FARP2: variants seen among roughly 807,000 people sequenced by gnomAD.
FARP2 encodes FERM, ARH/RhoGEF and pleckstrin domain protein 2.
A neutral mutation model predicts 130.5 loss-of-function variants in FARP2; 111 were observed. That is an observed-to-expected ratio of 0.85 (90% CI 0.73 to 1.00). FARP2 has a LOEUF of 1.00. Ranked by LOEUF, FARP2 falls within the 50% of genes least tolerant of loss-of-function variation. The probability of loss-of-function intolerance (pLI) is 0.00; values close to 1 mark genes in which losing one functional copy is unlikely to be tolerated. For synonymous variants in FARP2, 504 were observed against 516.9 expected (o/e 0.98, Z 0.34); for missense variants, 1,385 against 1,346.3 (o/e 1.03, Z -0.45).
In FARP2 at chr2:241,428,001, C is replaced by T. The variant is rs369913092; in HGVS notation, c.772-3678C>T. On this transcript the variant is annotated intron_variant, in intron 8 of 26. Transcript: ENST00000264042. ...CAGGATGGTCTCGATCTCCTGACCT[C>T]GTGATCCGCCCGCCTTGGCCTCCCA... Among the ~76,000 whole-genome samples, 854 of 152,006 alleles carry T rather than the reference C, an allele frequency of 5.6e-3. 8 individuals carry two copies. Among genetic ancestry groups the T allele is most frequent in the African/African-American group, 0.02 (820 of 41,458 alleles).
chr2:241,384,995 T>C (rs1239504240), intron 2 of FARP2, among the ~76,000 whole-genome samples: 2 of 152,222 alleles, frequency 1.3e-5, no homozygotes, highest in Non-Finnish European at 2.9e-5. Flanking sequence ...ATATTAATTG[T>C]ATTAAGAAAT....
Position 241,453,780 on chromosome 2 carries a change from T to G in FARP2, c.1412-2967T>G, listed in dbSNP as rs1329677705. Among the ~76,000 whole-genome samples, 459 of 113,876 alleles carry G rather than the reference T, an allele frequency of 4.0e-3. 9 individuals carry two copies. The highest frequency in any genetic ancestry group is 0.015 in the African/African-American group (430 of 29,446). 74.7% of individuals were successfully genotyped at this position (113,876 alleles called of 152,430 possible). A position where few individuals can be genotyped will look rare whatever the true frequency, so the allele number is the denominator to read the frequency against. On this transcript the variant is annotated intron_variant, in intron 13 of 26. Transcript: ENST00000264042. The stretch of plus-strand genomic sequence containing the variant: ...AGTGGCACTTACTGGTTTTTTTTTT[T>G]TTTTTTTTTTTTTTTTTTTTTGAGA...
intron 13 of FARP2, chr2:241,442,136 G>A (rs760644197): frequency 2.6e-5 from 11 of 426,244 alleles, no homozygotes; most frequent in Non-Finnish European, 4.3e-5. Flanking sequence ...TCTGAGACCA[G>A]CTCACTGAGA....
chr2:241,490,156 G>A (rs1223507121), intron 22 of FARP2, 112 bp downstream of exon 22: 2 of 754,838 alleles, frequency 2.6e-6, no homozygotes, highest in Non-Finnish European at 4.7e-6. Flanking sequence ...AGCCTCATGG[G>A]GTTGTGCCCC....
chr2:241,437,867 GT>G (rs2063283069), intron 12 of FARP2, among the ~76,000 whole-genome samples: 4 of 151,900 alleles, frequency 2.6e-5, no homozygotes, highest in Admixed American at 2.0e-4. Context: ...GGGTTTCACT[GT>G]GTCAGCCAGG....
chr2:241,376,865 T>C (rs574401553), intron 2 of FARP2, among the ~76,000 whole-genome samples: 10 of 152,194 alleles, frequency 6.6e-5, no homozygotes, highest in Non-Finnish European at 2.9e-5. Context: ...CTGCTTGCTG[T>C]CTCCCTGCTC....
intron 2 of FARP2, among the ~76,000 whole-genome samples, chr2:241,397,479 T>C (rs1160038283): frequency 1.3e-5 from 2 of 152,196 alleles, no homozygotes; most frequent in African/African-American, 4.8e-5. Flanking sequence ...TCAAACTTCA[T>C]AGTGTAGACA....
intron 22 of FARP2, 68 bp downstream of exon 22, chr2:241,490,112 GCCTCTGAGT>G (rs1460076284): frequency 1.8e-6 from 2 of 1,120,920 alleles, no homozygotes; most frequent in Admixed American, 1.7e-5. Flanking sequence ...CTCGCCATGA[GCCTCTGAGT>G]CCTCTGAGCT....
At chr2:241,407,677 C>G in intron 5 of FARP2, 62 bp downstream of exon 5, 1 of 1,229,894 alleles carries the variant, frequency 8.1e-7, no homozygotes, top group Admixed American at 1.8e-5. Flanking sequence ...CTGTTATCTC[C>G]CACAGCACCT....
Position 241,405,790 on chromosome 2 carries a change from T to C in FARP2, c.331+949T>C, listed in dbSNP as rs537656036. On this transcript the variant is annotated intron_variant, in intron 4 of 26. Transcript: ENST00000264042. Reference sequence around the variant, plus strand: ...CTCTACTAAAAATACAAAAATTAGCTAGGCGTGATGGCGCATGCCTATAAT... The same window carrying C: ...CTCTACTAAAAATACAAAAATTAGCCAGGCGTGATGGCGCATGCCTATAAT... Among the ~76,000 whole-genome samples the C allele has an allele frequency of 1.9e-4, 29 of 152,110 alleles. No individual in the cohort carries two copies. The South Asian group carries it at 4.4e-3, about 23-fold the overall frequency.
In FARP2 at chr2:241,491,591, A is replaced by G. The variant is rs1309841000; in HGVS notation, c.2699A>G (p.His900Arg). The change falls in exon 24 of 27, where the codon CAT (histidine) becomes CGT (arginine). Residue 900 changes from histidine to arginine, a missense_variant. Transcript: ENST00000264042. ...GGTGTCCGCAGCTCCCTGGAGGGGC[A>G]TGGCCAGCACCGGGCCAACACCACA... ...ARGVRSSLEG[H>R]GQHRANTTMH... is the part of the protein sequence containing the mutation. The G allele has an allele frequency of 1.2e-6, 2 of 1,613,846 alleles. No individual in the cohort carries two copies. The highest frequency in any genetic ancestry group is 8.5e-7 in the Non-Finnish European group (1 of 1,179,994).
chr2:241,357,131 A>T lies in FARP2; in HGVS notation c.-25+743A>T, dbSNP rs948072590. ...AAAGCAGAAATTAGAACAAGGCATCATTGAAGGAAAGATTGTCAATACATA... is the reference window on the plus strand; with the variant it reads ...AAAGCAGAAATTAGAACAAGGCATCTTTGAAGGAAAGATTGTCAATACATA... On this transcript the variant is annotated intron_variant, in intron 1 of 26. Coordinates refer to ENST00000264042, the MANE Select transcript of FARP2 (RefSeq NM_014808.4). Among the ~76,000 whole-genome samples, 3 of 152,254 alleles carry T rather than the reference A, an allele frequency of 2.0e-5. No homozygotes were observed. The South Asian group carries it at 6.2e-4, about 31-fold the overall frequency.
intron 12 of FARP2, among the ~76,000 whole-genome samples, chr2:241,437,372 C>T (rs1418454310): frequency 6.6e-6 from 1 of 152,250 alleles, no homozygotes; most frequent in Non-Finnish European, 1.5e-5. Context: ...GCGACCTTCT[C>T]ATGTTTCAGG....
At chr2:241,413,579 G>T (rs2062583953) in intron 7 of FARP2, among the ~76,000 whole-genome samples, 158 bp downstream of exon 7, 2 of 152,222 alleles carry the variant, frequency 1.3e-5, no homozygotes, top group Admixed American at 1.3e-4. Flanking sequence ...AGGCAGCTTG[G>T]CAGACACACA....
At chr2:241,367,589 T>C (rs2061343899) in intron 1 of FARP2, among the ~76,000 whole-genome samples, 1 of 152,036 alleles carries the variant, frequency 6.6e-6, no homozygotes, top group African/African-American at 2.4e-5. Context: ...ATTAGATGAG[T>C]GTAGTGAAAT....
chr2:241,408,541 CAAAAAAAAA>C (rs11292791), intron 5 of FARP2, among the ~76,000 whole-genome samples: 2 of 137,548 alleles, frequency 1.5e-5, no homozygotes, highest in African/African-American at 5.4e-5. Context: ...AACTCTGTCT[CAAAAAAAAA>C]AAAAAAGAAA....
In FARP2 at chr2:241,475,448, A is replaced by C. The variant is rs924715824; in HGVS notation, c.2132-409A>C. On this transcript the variant is annotated intron_variant, in intron 18 of 26. Transcript: ENST00000264042. This position sits in a 1 kb window ranked among gnomAD's most constrained non-coding sequence, Gnocchi z 4.4. ...TGGCGGGCAAGTGAAGCTTCTCTGT[A>C]TTTACAGCCACTCCCCATTGCTTGC... Among the ~76,000 whole-genome samples, 1 of 152,110 alleles carries C rather than the reference A, an allele frequency of 6.6e-6. No homozygotes were observed. The highest frequency in any genetic ancestry group is 2.4e-5 in the African/African-American group (1 of 41,412).
At chr2:241,377,420 C>G (rs960279192) in intron 2 of FARP2, among the ~76,000 whole-genome samples, 2 of 151,468 alleles carry the variant, frequency 1.3e-5, no homozygotes, top group East Asian at 3.9e-4. Context: ...CGGCTCACTG[C>G]AAGCTCCGCT....
chr2:241,366,136 T>C (rs1038288313), intron 1 of FARP2, among the ~76,000 whole-genome samples: 9 of 54,286 alleles, frequency 1.7e-4, no homozygotes, highest in Admixed American at 5.7e-4. Flanking sequence ...TATATATATA[T>C]ATACACACAC....
Sources: allele counts gnomAD v4.1 joint callset (sites outside exome capture counted in the v4.1 genomes callset), GRCh38; gene constraint gnomAD v4.1.1; non-coding constraint Gnocchi (gnomAD v3.1); transcripts MANE v1.5; gene names NCBI Gene and HGNC (gene_info 2026-07-23, HGNC 2026-07-21).